The following ANGPT1 variants were observed in gnomAD, a reference collection of about 807,000 sequenced individuals.
ANGPT1 encodes angiopoietin 1.
A neutral mutation model predicts 62.2 loss-of-function variants in ANGPT1; 17 were observed. That is an observed-to-expected ratio of 0.27 (90% CI 0.19 to 0.41). The LOEUF (loss-of-function observed/expected upper bound fraction) is 0.41. Among genes scored for constraint, ANGPT1 ranks in the 10% least tolerant of loss-of-function variants. The pLI is 1.00. For synonymous variants in ANGPT1, 199 were observed against 198.9 expected, an observed-to-expected ratio of 1.00 and a Z score of 0.00; for missense variants, 478 against 594.9, an observed-to-expected ratio of 0.80 and a Z score of 2.04.
At chr8:107,332,895 G>A (rs926337430) in intron 3 of ANGPT1, among the ~76,000 whole-genome samples, 1 of 152,208 alleles carries the variant, frequency 6.6e-6, no homozygotes, top group African/African-American at 2.4e-5. Context: ...GCTTCTTGTT[G>A]CATTTGGAGG....
intron 1 of ANGPT1, among the ~76,000 whole-genome samples, chr8:107,361,202 T>C (rs2514853): frequency 0.12 from 18,671 of 152,000 alleles, 1,524 homozygotes; most frequent in East Asian, 0.37. Flanking sequence ...TCTAATATTA[T>C]GATTTTTTTT....
chr8:107,337,634 C>T (rs1815597701), intron 2 of ANGPT1, among the ~76,000 whole-genome samples: 1 of 152,124 alleles, frequency 6.6e-6, no homozygotes, highest in African/African-American at 2.4e-5. Context: ...TTTTTAACTA[C>T]CACATCTTTC....
intron 4 of ANGPT1, among the ~76,000 whole-genome samples, chr8:107,317,344 TGCA>T (rs35882665): frequency 0.019 from 2,900 of 152,338 alleles, 85 homozygotes; most frequent in African/African-American, 0.062. Flanking sequence ...GAACAGTTGC[TGCA>T]GAACTGTTTT....
rs141464643 is a variant in ANGPT1 at position 107,271,841 on chromosome 8, T to A, written c.1206-7490A>T. On this transcript the variant is annotated intron_variant, in intron 7 of 8. Transcript: ENST00000517746. ...AATTTTCTTGCCATCATATAATATT[T>A]TGTTGAATGAATCCAATATATATTT... Among the ~76,000 whole-genome samples, 961 of 151,930 alleles carry A rather than the reference T, an allele frequency of 6.3e-3. 11 individuals are homozygous for A. Among genetic ancestry groups the A allele is most frequent in the African/African-American group, 0.022 (911 of 41,484 alleles).
chr8:107,302,769 A>C (rs1814624211), intron 5 of ANGPT1, among the ~76,000 whole-genome samples: 1 of 151,932 alleles, frequency 6.6e-6, no homozygotes, highest in Admixed American at 6.6e-5. Flanking sequence ...AAATTCTTTC[A>C]AGATTATGAA....
intron 4 of ANGPT1, among the ~76,000 whole-genome samples, chr8:107,308,203 A>G (rs576226547): frequency 2.0e-4 from 29 of 147,322 alleles, no homozygotes; most frequent in African/African-American, 6.8e-4. Flanking sequence ...GATGCGAAAA[A>G]GATCTTCCAT....
chr8:107,437,005 A>G (rs920989971), intron 1 of ANGPT1, among the ~76,000 whole-genome samples: 4 of 152,232 alleles, frequency 2.6e-5, no homozygotes, highest in Non-Finnish European at 5.9e-5. Flanking sequence ...TATTATTAGT[A>G]TCTCTAATTA....
intron 1 of ANGPT1, among the ~76,000 whole-genome samples, chr8:107,426,464 T>C (rs1811045010): frequency 2.0e-5 from 3 of 152,208 alleles, no homozygotes; most frequent in African/African-American, 7.2e-5. Context: ...AGTTTATCTA[T>C]TTAAACATGA....
intron 1 of ANGPT1, among the ~76,000 whole-genome samples, chr8:107,469,667 A>T (rs1230609872): frequency 1.3e-5 from 2 of 152,008 alleles, no homozygotes; most frequent in Non-Finnish European, 2.9e-5. Flanking sequence ...GAATAGCAAT[A>T]AACCCAGACT....
At chr8:107,350,420 G>A (rs1218007861) in intron 1 of ANGPT1, among the ~76,000 whole-genome samples, 1 of 152,084 alleles carries the variant, frequency 6.6e-6, no homozygotes, top group Non-Finnish European at 1.5e-5. Flanking sequence ...TAACAATCAT[G>A]TACCCTAGTC....
intron 1 of ANGPT1, among the ~76,000 whole-genome samples, chr8:107,491,808 A>T (rs984359136): frequency 5.3e-5 from 8 of 152,152 alleles, no homozygotes; most frequent in Non-Finnish European, 8.8e-5. Flanking sequence ...TTAAGGGGGG[A>T]AATGACATTC....
At chr8:107,307,109 C>T (rs1362768438) in intron 4 of ANGPT1, among the ~76,000 whole-genome samples, 2 of 151,982 alleles carry the variant, frequency 1.3e-5, no homozygotes, top group African/African-American at 4.8e-5. Context: ...TCTTATTTTT[C>T]CTTTCTTATT....
At chr8:107,269,493 A>G (rs1322440210) in intron 7 of ANGPT1, among the ~76,000 whole-genome samples, 1 of 152,068 alleles carries the variant, frequency 6.6e-6, no homozygotes, top group Non-Finnish European at 1.5e-5. Context: ...ATCAATATAC[A>G]GGATGGCTTT....
chr8:107,412,766 G>A (rs1810622036), intron 1 of ANGPT1, among the ~76,000 whole-genome samples: 1 of 152,082 alleles, frequency 6.6e-6, no homozygotes, highest in Non-Finnish European at 1.5e-5. Context: ...GGGTGCCATG[G>A]AATTATTACC....
intron 4 of ANGPT1, among the ~76,000 whole-genome samples, chr8:107,308,420 G>T (rs767763292): frequency 6.6e-6 from 1 of 152,032 alleles, no homozygotes; most frequent in Non-Finnish European, 1.5e-5. Flanking sequence ...AATCAACCTG[G>T]TCACAAGATA....
chr8:107,371,919 C>T (rs1215120520), intron 1 of ANGPT1, among the ~76,000 whole-genome samples: 2 of 152,030 alleles, frequency 1.3e-5, no homozygotes. Context: ...ATGCTGTTTG[C>T]TCAATTAAAT....
intron 3 of ANGPT1, among the ~76,000 whole-genome samples, chr8:107,327,522 T>C (rs746780177): frequency 1.5e-4 from 23 of 152,154 alleles, no homozygotes; most frequent in South Asian, 6.2e-4. Context: ...ATATTCAGTA[T>C]GTTCTTTGAA....
intron 4 of ANGPT1, among the ~76,000 whole-genome samples, chr8:107,321,380 TAAC>T (rs1815145110): frequency 6.6e-6 from 1 of 152,162 alleles, no homozygotes; most frequent in African/African-American, 2.4e-5. Context: ...ACATTTTTAA[TAAC>T]AATAATCCTG....
chr8:107,342,721 G>C (rs569168538), intron 2 of ANGPT1, among the ~76,000 whole-genome samples: 1 of 151,014 alleles, frequency 6.6e-6, no homozygotes, highest in East Asian at 2.0e-4. Context: ...TAAAGAGTTT[G>C]TTTCATCATT....
Sources: allele counts gnomAD v4.1 joint callset (sites outside exome capture counted in the v4.1 genomes callset), GRCh38; gene constraint gnomAD v4.1.1; transcripts MANE v1.5; gene names NCBI Gene and HGNC (gene_info 2026-07-23, HGNC 2026-07-21).